PCBP2: variants seen among roughly 807,000 people sequenced by gnomAD.
PCBP2 encodes poly(rC)-binding protein 2.
A neutral mutation model predicts 50.1 loss-of-function variants in PCBP2; 4 were observed. The observed-to-expected ratio is 0.08, with a 90% confidence interval of 0.04 to 0.18. PCBP2 has a LOEUF of 0.18. PCBP2 is among the 10% of genes least tolerant of loss of function. The pLI is 1.00. For synonymous variants in PCBP2, 179 were observed against 168.0 expected (o/e 1.07, Z -0.51); for missense variants, 161 against 474.3 (o/e 0.34, Z 6.14).
intron 11 of PCBP2, 41 bp from the exon 12 acceptor site, chr12:53,467,764 G>T: frequency 6.5e-7 from 1 of 1,546,378 alleles, no homozygotes; most frequent in South Asian, 1.1e-5. Flanking sequence ...GATAGGGTTA[G>T]GATGAGACCA....
In PCBP2 at chr12:53,471,679, T is replaced by C. The variant is rs1425151404; in HGVS notation, c.924T>C (p.Asn308=). The change falls in exon 14 of 15, where the codon AAT becomes AAC. Residue 308 remains asparagine (N), a synonymous_variant. Transcript: ENST00000546463. ...CIIGRQGAKI[N]EIRQMSGAQI... ...TCGGGCGTCAAGGCGCCAAAATCAA[T>C]GAGATCCGTCAGATGTCTGGGGCGC... 1 of 1,613,588 alleles carries C rather than the reference T, an allele frequency of 6.2e-7. No individual in the cohort carries two copies. The highest frequency in any genetic ancestry group is 8.5e-7 in the Non-Finnish European group (1 of 1,179,842).
chr12:53,459,245 T>G, intron 5 of PCBP2, 27 bp from the exon 6 acceptor site: 1 of 1,576,526 alleles, frequency 6.3e-7, no homozygotes, highest in East Asian at 2.3e-5. Flanking sequence ...AGGGATCTGC[T>G]TATTGTGGTG....
At chr12:53,465,996 G>T in intron 10 of PCBP2, 23 bp downstream of exon 10, 1 of 1,611,014 alleles carries the variant, frequency 6.2e-7, no homozygotes, top group Non-Finnish European at 8.5e-7. Context: ...TTCACTTCTT[G>T]TTTTGAAAAG....
chr12:53,469,393 G>A (rs952907969), intron 13 of PCBP2, among the ~76,000 whole-genome samples: 8 of 152,110 alleles, frequency 5.3e-5, no homozygotes, highest in African/African-American at 1.9e-4. Flanking sequence ...TATTGTGTGA[G>A]GTATGACGAG....
At position 53,480,671 on chromosome 12, in the gene PCBP2, G is replaced by A. The variant is rs1565880295; in HGVS notation, c.*1229G>A. 6.6e-6 allele frequency: 1 copy of A among 152,478 alleles called. No homozygotes were observed. Among genetic ancestry groups the A allele is most frequent in the Admixed American group, 6.6e-5 (1 of 15,266 alleles). 9.4% of individuals were successfully genotyped at this position (152,478 alleles called of 1,614,324 possible). A position where few individuals can be genotyped will look rare whatever the true frequency, so the allele number is the denominator to read the frequency against. On this transcript the variant is annotated 3_prime_UTR_variant, in exon 15 of 15. Coordinates refer to ENST00000546463, the MANE Select transcript of PCBP2 (RefSeq NM_031989.5). ...CCCCTGGGCCTTAAGACAGGGCTTGGGCAGAGAAGATAAATGGTGGGACAA... is the reference window on the plus strand; with the variant it reads ...CCCCTGGGCCTTAAGACAGGGCTTGAGCAGAGAAGATAAATGGTGGGACAA...
intron 14 of PCBP2, among the ~76,000 whole-genome samples, chr12:53,476,608 A>T (rs754973626): frequency 9.9e-5 from 15 of 152,054 alleles, no homozygotes; most frequent in Non-Finnish European, 1.8e-4. Context: ...CAGTGTAGAG[A>T]TAGTTTCCCT....
intron 14 of PCBP2, among the ~76,000 whole-genome samples, chr12:53,476,241 C>T (rs1184825759): frequency 2.0e-5 from 3 of 152,128 alleles, no homozygotes. Flanking sequence ...CCAGCACTAT[C>T]AGGAGTAGGA....
chr12:53,454,648 T>C (rs1032766174), intron 1 of PCBP2, 78 bp from the exon 2 acceptor site: 2 of 645,220 alleles, frequency 3.1e-6, no homozygotes, highest in African/African-American at 1.8e-5. Flanking sequence ...GTAGAAAATA[T>C]TGATAAGGTG....
intron 5 of PCBP2, 86 bp downstream of exon 5, chr12:53,456,087 GAC>G: frequency 2.4e-6 from 2 of 823,082 alleles, no homozygotes; most frequent in Non-Finnish European, 4.2e-6. Context: ...TAAATTCAAG[GAC>G]ACACTGGACC....
At chr12:53,473,044 A>G (rs1942343418) in intron 14 of PCBP2, among the ~76,000 whole-genome samples, 2 of 151,628 alleles carry the variant, frequency 1.3e-5, no homozygotes, top group African/African-American at 4.8e-5. Context: ...ACCTCAAGTG[A>G]TATGCCTCCC....
At chr12:53,477,690 A>C (rs1032789902) in intron 14 of PCBP2, among the ~76,000 whole-genome samples, 10 of 150,068 alleles carry the variant, frequency 6.7e-5, no homozygotes, top group East Asian at 3.9e-4. Flanking sequence ...AAAAAAAAAA[A>C]AAAACCCTAA....
chr12:53,463,422 C>G (rs944476449), intron 8 of PCBP2, among the ~76,000 whole-genome samples: 23 of 151,830 alleles, frequency 1.5e-4, no homozygotes, highest in African/African-American at 5.6e-4. Flanking sequence ...CAAAAGTATT[C>G]AGGGAAAAAA....
At chr12:53,454,921 A>G (rs1161574786) in intron 2 of PCBP2, 52 bp downstream of exon 2, 16 of 1,441,390 alleles carry the variant, frequency 1.1e-5, no homozygotes, top group African/African-American at 2.8e-5. Context: ...GGGAGGGGCC[A>G]GGAAGAGCAG....
intron 14 of PCBP2, among the ~76,000 whole-genome samples, chr12:53,477,665 C>CAAAAAAAAAAAAAAAAA (rs61213286): frequency 3.8e-5 from 2 of 52,886 alleles, no homozygotes; most frequent in Admixed American, 2.2e-4. Flanking sequence ...GACTCTGTCT[C>CAAAAAAAAAAAAAAAAA]AAAAAAAAAA....
At chr12:53,454,096 G>A (rs1266832751) in intron 1 of PCBP2, among the ~76,000 whole-genome samples, 1 of 152,194 alleles carries the variant, frequency 6.6e-6, no homozygotes, top group African/African-American at 2.4e-5. Context: ...AATGTATCGA[G>A]TCATTTTCTA....
At chr12:53,468,453 C>T (rs1592668334) in intron 12 of PCBP2, 1 of 351,500 alleles carries the variant, frequency 2.8e-6, no homozygotes, top group Non-Finnish European at 5.2e-6. Flanking sequence ...GGTAGAAGTA[C>T]AGAAGGACTT....
At chr12:53,472,008 G>GC (rs1037904347) in intron 14 of PCBP2, among the ~76,000 whole-genome samples, 9 of 149,584 alleles carry the variant, frequency 6.0e-5, no homozygotes, top group Non-Finnish European at 8.9e-5. Flanking sequence ...GGTTGGTGGG[G>GC]GGGGGAGCAC....
chr12:53,471,585 AC>A, intron 13 of PCBP2, 52 bp from the exon 14 acceptor site: 1 of 1,510,792 alleles, frequency 6.6e-7, no homozygotes. Flanking sequence ...GGATTCTTAG[AC>A]CTAGCCATGC....
intron 6 of PCBP2, chr12:53,460,569 C>T (rs950519968): frequency 1.4e-5 from 3 of 210,778 alleles, no homozygotes; most frequent in African/African-American, 4.7e-5. Context: ...GGGAGCGTAT[C>T]GTACATGGCA....
Sources: gnomAD v4.1 joint callset for allele counts (sites outside exome capture counted in the v4.1 genomes callset) on GRCh38, gnomAD v4.1.1 for gene constraint, MANE v1.5 for transcripts, NCBI Gene and HGNC (gene_info 2026-07-23, HGNC 2026-07-21) for gene names.